The following ABHD17C variants were observed in gnomAD, a reference collection of about 807,000 sequenced individuals.
ABHD17C encodes the protein abhydrolase domain containing 17C, depalmitoylase.
In ABHD17C, 11 loss-of-function variants were observed where a neutral mutation model predicts 27.9. The ratio of observed to expected loss-of-function variants is 0.39; its 90% CI spans 0.25 to 0.65. ABHD17C has a LOEUF of 0.65. Among genes scored for constraint, ABHD17C ranks in the 30% least tolerant of loss-of-function variants. The pLI is 0.45. For missense variants in ABHD17C, 280 were observed against 470.2 expected, an observed-to-expected ratio of 0.60 and a Z score of 3.74; for synonymous variants, 233 against 209.1, an observed-to-expected ratio of 1.11 and a Z score of -0.98.
At chr15:80,723,751 AAG>A (rs759381699) in intron 1 of ABHD17C, among the ~76,000 whole-genome samples, 3 of 152,224 alleles carry the variant, frequency 2.0e-5, no homozygotes, top group Non-Finnish European at 4.4e-5. Context: ...TCAGTGCAGG[AAG>A]AGAGGCTGCT....
chr15:80,739,728 G>A (rs72630432), intron 1 of ABHD17C, among the ~76,000 whole-genome samples: 15,480 of 152,200 alleles, frequency 0.1, 1,426 homozygotes, highest in East Asian at 0.54. Flanking sequence ...AGAACCATGA[G>A]CCAAATAAAC....
At chr15:80,699,312 C>T (rs1410768637) in intron 1 of ABHD17C, among the ~76,000 whole-genome samples, 1 of 152,070 alleles carries the variant, frequency 6.6e-6, no homozygotes, top group East Asian at 1.9e-4. Flanking sequence ...ATAATGGGCG[C>T]CCCATAAATA....
intron 1 of ABHD17C, among the ~76,000 whole-genome samples, chr15:80,696,448 T>C (rs1022859722): frequency 2.6e-5 from 4 of 152,224 alleles, no homozygotes; most frequent in African/African-American, 9.6e-5. Context: ...TTTCCTTCCC[T>C]GTAAAGTCAG....
In ABHD17C at chr15:80,695,864, G is replaced by T; in HGVS notation, c.435G>T (p.Leu145=). Residue 145 remains leucine (L), a synonymous_variant, in exon 1 of 3, where the codon CTG becomes CTT. Coordinates refer to ENST00000258884, the MANE Select transcript of ABHD17C (RefSeq NM_021214.2). The surrounding 1 kb of genome is among the most constrained non-coding windows in gnomAD (Gnocchi z 4.3). ...LLFSHGNAVD[L]GQMCSFYIGL... is the part of the protein sequence containing the mutation. Reference sequence around the variant, plus strand: ...TCTCGCACGGCAACGCCGTGGACCTGGGCCAGATGTGCAGCTTCTACATTG... The same window carrying T: ...TCTCGCACGGCAACGCCGTGGACCTTGGCCAGATGTGCAGCTTCTACATTG... The T allele has an allele frequency of 6.3e-7, 1 of 1,596,220 alleles. No homozygotes were observed. Among genetic ancestry groups the T allele is most frequent in the Non-Finnish European group, 8.5e-7 (1 of 1,178,844 alleles).
At chr15:80,705,333 T>TGTGTGTGTGTGTGTGTGTGTGTGTG (rs1555421865) in intron 1 of ABHD17C, among the ~76,000 whole-genome samples, 12 of 106,822 alleles carry the variant, frequency 1.1e-4, no homozygotes, top group African/African-American at 2.8e-4. Context: ...TTCCTATGAT[T>TGTGTGTGTGTGTGTGTGTGTGTGTG]TGTGTGTGTG....
Position 80,755,468 on chromosome 15 carries a change from G to A in ABHD17C, c.*1098G>A, listed in dbSNP as rs2141527905. The A allele has an allele frequency of 6.6e-6, 1 of 152,174 alleles. No individual in the cohort carries two copies. Among genetic ancestry groups the A allele is most frequent in the East Asian group, 1.9e-4 (1 of 5,184 alleles). The allele number at this position is 152,174 out of a possible 1,614,324, so 9.4% of individuals were successfully genotyped here. A position where few individuals can be genotyped will look rare whatever the true frequency, so the allele number is the denominator to read the frequency against. On this transcript the variant is annotated 3_prime_UTR_variant, in exon 3 of 3. Coordinates refer to ENST00000258884, the MANE Select transcript of ABHD17C (RefSeq NM_021214.2). ...AGGGGTTTGGATTTGGGGGTTCTTT[G>A]GTTTTAATTTTTTTTTCCACATTTA...
chr15:80,730,298 C>A (rs1020951870), intron 1 of ABHD17C, among the ~76,000 whole-genome samples: 1 of 152,164 alleles, frequency 6.6e-6, no homozygotes, highest in Non-Finnish European at 1.5e-5. Context: ...TCCTGAAGTT[C>A]CCCGTCCTGC....
At chr15:80,713,250 G>C (rs571579135) in intron 1 of ABHD17C, among the ~76,000 whole-genome samples, 1 of 151,020 alleles carries the variant, frequency 6.6e-6, no homozygotes, top group Middle Eastern at 3.2e-3. Context: ...ACAGTGTCCT[G>C]CCATTTTTGG....
intron 1 of ABHD17C, among the ~76,000 whole-genome samples, chr15:80,746,448 C>G (rs374582176): frequency 6.7e-6 from 1 of 148,152 alleles, no homozygotes; most frequent in African/African-American, 2.5e-5. Context: ...TTTTTTTTTT[C>G]TTTATGACTA....
At chr15:80,725,942 G>T (rs1412899649) in intron 1 of ABHD17C, among the ~76,000 whole-genome samples, 1 of 152,198 alleles carries the variant, frequency 6.6e-6, no homozygotes. Flanking sequence ...AAATATAGAG[G>T]TGTGAAGTGG....
chr15:80,720,410 A>C (rs1894878646), intron 1 of ABHD17C, among the ~76,000 whole-genome samples: 2 of 151,836 alleles, frequency 1.3e-5, no homozygotes, highest in African/African-American at 2.4e-5. Flanking sequence ...ACTTTCTAGA[A>C]ACCACTTGAT....
intron 1 of ABHD17C, among the ~76,000 whole-genome samples, chr15:80,745,274 C>G (rs1056622174): frequency 1.3e-5 from 2 of 152,182 alleles, no homozygotes; most frequent in Non-Finnish European, 2.9e-5. Context: ...TCTTTATAGG[C>G]TTACCACCCA....
intron 1 of ABHD17C, among the ~76,000 whole-genome samples, chr15:80,699,915 GT>G (rs1459207998): frequency 6.6e-6 from 1 of 152,180 alleles, no homozygotes; most frequent in Non-Finnish European, 1.5e-5. Context: ...ATCAAAACTT[GT>G]TTTACGTTTG....
At chr15:80,734,468 T>A (rs183602216) in intron 1 of ABHD17C, among the ~76,000 whole-genome samples, 20 of 152,364 alleles carry the variant, frequency 1.3e-4, no homozygotes, top group Non-Finnish European at 2.2e-4. Flanking sequence ...AACAGTTTCA[T>A]GCACAATTAT....
At chr15:80,729,756 T>C (rs1007186295) in intron 1 of ABHD17C, among the ~76,000 whole-genome samples, 1 of 152,202 alleles carries the variant, frequency 6.6e-6, no homozygotes, top group African/African-American at 2.4e-5. Context: ...GAGAACCTAA[T>C]GGCATCTTGG....
intron 1 of ABHD17C, among the ~76,000 whole-genome samples, chr15:80,723,138 A>ATGTGTGTGTGTGTGTGTGTGTGTGTGTG (rs57751486): frequency 8.0e-6 from 1 of 124,936 alleles, no homozygotes; most frequent in East Asian, 3.1e-4. Flanking sequence ...GTGTGTATAT[A>ATGTGTGTGTGTGTGTGTGTGTGTGTGTG]TGTGTGTGTG....
chr15:80,733,674 C>T (rs1053170240), intron 1 of ABHD17C, among the ~76,000 whole-genome samples: 1 of 152,176 alleles, frequency 6.6e-6, no homozygotes, highest in Non-Finnish European at 1.5e-5. Flanking sequence ...GCATTGCTGT[C>T]TCAGATTCAC....
At chr15:80,741,227 T>C (rs1401697245) in intron 1 of ABHD17C, among the ~76,000 whole-genome samples, 1 of 152,134 alleles carries the variant, frequency 6.6e-6, no homozygotes, top group Non-Finnish European at 1.5e-5. Flanking sequence ...AAAGGTTTCA[T>C]GTCCGGTCCA....
chr15:80,740,205 C>T (rs1895190925), intron 1 of ABHD17C, among the ~76,000 whole-genome samples: 1 of 152,076 alleles, frequency 6.6e-6, no homozygotes, highest in Admixed American at 6.6e-5. Context: ...TGCCGGTCTT[C>T]CACTTGCAAC....
Sources: allele counts gnomAD v4.1 joint callset (sites outside exome capture counted in the v4.1 genomes callset), GRCh38; gene constraint gnomAD v4.1.1; non-coding constraint Gnocchi (gnomAD v3.1); transcripts MANE v1.5; gene names NCBI Gene and HGNC (gene_info 2026-07-23, HGNC 2026-07-21).